The following RBFOX1 variants were observed in gnomAD, a reference collection of about 807,000 sequenced individuals.
RBFOX1 encodes the protein RNA binding fox-1 homolog 1, also known as RNA binding protein fox-1 homolog 1.
A neutral mutation model predicts 57.7 loss-of-function variants in RBFOX1; 8 were observed. The ratio of observed to expected loss-of-function variants is 0.14; its 90% CI spans 0.08 to 0.25. RBFOX1 has a LOEUF of 0.25. RBFOX1 is among the 10% of genes least tolerant of loss of function. The pLI, the probability that RBFOX1 is intolerant of heterozygous loss-of-function variation, is 1.00. For synonymous variants in RBFOX1, 326 were observed against 222.4 expected, an observed-to-expected ratio of 1.47 and a Z score of -4.15; for missense variants, 611 against 548.5, an observed-to-expected ratio of 1.11 and a Z score of -1.14.
At chr16:5,549,705 T>C (rs1186463141) in intron 2 of RBFOX1, among the ~76,000 whole-genome samples, 1 of 152,172 alleles carries the variant, frequency 6.6e-6, no homozygotes, top group Admixed American at 6.5e-5. Flanking sequence ...ATAGCATGGT[T>C]TTACATACAT....
At chr16:6,950,908 TTCTC>T (rs1372322368) in intron 3 of RBFOX1, among the ~76,000 whole-genome samples, 3 of 147,656 alleles carry the variant, frequency 2.0e-5, no homozygotes, top group African/African-American at 4.9e-5. Flanking sequence ...CTTTCTTTCT[TTCTC>T]TCTTTTTTTT....
At chr16:7,332,634 GGTTCCCTCT>G in intron 4 of RBFOX1, 1 of 382,788 alleles carries the variant, frequency 2.6e-6, no homozygotes, top group Non-Finnish European at 3.9e-6. Flanking sequence ...CTCATAGCCT[GGTTCCCTCT>G]GTCACTTGGT....
chr16:7,457,050 G>A (rs187256847), intron 4 of RBFOX1, among the ~76,000 whole-genome samples: 2 of 152,180 alleles, frequency 1.3e-5, no homozygotes, highest in East Asian at 1.9e-4. Flanking sequence ...ACCACGCCCG[G>A]CTAATTTTGT....
chr16:6,556,895 A>T lies in RBFOX1; in HGVS notation c.-63-97708A>T, dbSNP rs138051013. ...GGAGAAGTAGAGGAGATTTCACTTA[A>T]CTGGATGATCACAGAGTTGAGGTTT... On this transcript the variant is annotated intron_variant, in intron 2 of 15. Transcript: ENST00000550418. 5.7e-3 allele frequency among the ~76,000 whole-genome samples: 868 copies of T among 151,618 alleles called. 14 individuals carry two copies. Among genetic ancestry groups the T allele is most frequent in the East Asian group, 0.056 (287 of 5,152 alleles).
At chr16:6,897,481 A>G (rs2067229220) in intron 3 of RBFOX1, among the ~76,000 whole-genome samples, 1 of 152,172 alleles carries the variant, frequency 6.6e-6, no homozygotes, top group African/African-American at 2.4e-5. Flanking sequence ...TTCCCACTGT[A>G]TTTAAGAAAA....
At chr16:7,262,573 A>G (rs1181631732) in intron 4 of RBFOX1, among the ~76,000 whole-genome samples, 1 of 152,260 alleles carries the variant, frequency 6.6e-6, no homozygotes, top group Non-Finnish European at 1.5e-5. Context: ...ATTGCTCCTC[A>G]TTCTGGGTCC....
chr16:6,662,300 C>T (rs1234882138), intron 3 of RBFOX1, among the ~76,000 whole-genome samples: 1 of 152,050 alleles, frequency 6.6e-6, no homozygotes, highest in Non-Finnish European at 1.5e-5. Context: ...ACACACAAGT[C>T]TGTGAGATGA....
chr16:7,275,419 A>G lies in RBFOX1; in HGVS notation c.27+223321A>G, dbSNP rs529022344. On this transcript the variant is annotated intron_variant, in intron 4 of 15. Transcript: ENST00000550418. ...TTCATTCATTTATCAAATATTTATC[A>G]GCAATGATGATTCTCCAGACATTAA... is the stretch of plus-strand genomic sequence containing the variant. Among the ~76,000 whole-genome samples, 4 of 152,340 alleles carry G rather than the reference A, an allele frequency of 2.6e-5. No individual in the cohort carries two copies. The South Asian group carries it at 8.3e-4, about 32-fold the overall frequency.
chr16:5,705,868 T>G (rs2051227722), intron 3 of RBFOX1, among the ~76,000 whole-genome samples: 3 of 152,218 alleles, frequency 2.0e-5, no homozygotes, highest in African/African-American at 4.8e-5. Flanking sequence ...AATAGGTGCC[T>G]GATAGATGTT....
intron 1 of RBFOX1, among the ~76,000 whole-genome samples, chr16:5,291,400 C>G (rs946847433): frequency 1.3e-5 from 2 of 151,512 alleles, no homozygotes; most frequent in Non-Finnish European, 2.9e-5. Flanking sequence ...GTAGCTGGGA[C>G]TACAGGCACC....
chr16:7,239,176 C>G (rs1010173509), intron 4 of RBFOX1, among the ~76,000 whole-genome samples: 9 of 152,064 alleles, frequency 5.9e-5, no homozygotes, highest in Non-Finnish European at 1.3e-4. Flanking sequence ...TATGATGAGG[C>G]TACTTCTACC....
At chr16:6,598,185 T>C (rs1418611175) in intron 2 of RBFOX1, among the ~76,000 whole-genome samples, 2 of 152,242 alleles carry the variant, frequency 1.3e-5, no homozygotes, top group Non-Finnish European at 2.9e-5. Context: ...CATGCATTCA[T>C]AAATATGTAG....
At chr16:6,764,041 A>G (rs1406126448) in intron 3 of RBFOX1, among the ~76,000 whole-genome samples, 1 of 152,180 alleles carries the variant, frequency 6.6e-6, no homozygotes, top group African/African-American at 2.4e-5. Context: ...GTGAAGGATG[A>G]TAAACTGTAC....
intron 3 of RBFOX1, among the ~76,000 whole-genome samples, chr16:6,953,495 T>A (rs904403288): frequency 6.6e-6 from 1 of 152,112 alleles, no homozygotes; most frequent in African/African-American, 2.4e-5. Flanking sequence ...AAGCGATTCT[T>A]CTGCTTCAGC....
At chr16:5,317,810 G>A (rs1040960754) in intron 1 of RBFOX1, among the ~76,000 whole-genome samples, 1 of 152,120 alleles carries the variant, frequency 6.6e-6, no homozygotes, top group African/African-American at 2.4e-5. Flanking sequence ...ACCATTTTAA[G>A]TTTACAATTC....
intron 3 of RBFOX1, among the ~76,000 whole-genome samples, chr16:6,822,476 A>G (rs1603628978): frequency 6.6e-6 from 1 of 152,218 alleles, no homozygotes; most frequent in Non-Finnish European, 1.5e-5. Flanking sequence ...AGGGTTATAA[A>G]TAAAACACAT....
intron 1 of RBFOX1, among the ~76,000 whole-genome samples, chr16:6,236,767 T>C (rs2097508092): frequency 6.6e-6 from 1 of 152,152 alleles, no homozygotes; most frequent in African/African-American, 2.4e-5. Flanking sequence ...TGATGTATTT[T>C]TGCCAGATGC....
chr16:5,437,927 T>C lies in RBFOX1; in HGVS notation c.220-29289T>C, dbSNP rs566804083. 3.3e-5 allele frequency among the ~76,000 whole-genome samples: 5 copies of C among 152,348 alleles called. No individual in the cohort carries two copies. The South Asian group carries it at 1.0e-3, about 32-fold the overall frequency. On this transcript the variant is annotated intron_variant, in intron 1 of 2. Coordinates refer to the RBFOX1 transcript ENST00000585867. Reference sequence around the variant, plus strand: ...CTGTTGAAGATTGAGTTTGTGTGTATATTTTTCCTTCTAGGGCAAATGAGT... The same window carrying C: ...CTGTTGAAGATTGAGTTTGTGTGTACATTTTTCCTTCTAGGGCAAATGAGT...
intron 2 of RBFOX1, among the ~76,000 whole-genome samples, chr16:6,634,187 C>T (rs1406358251): frequency 6.6e-6 from 1 of 152,080 alleles, no homozygotes; most frequent in Non-Finnish European, 1.5e-5. Context: ...AGTCAATAAA[C>T]AGTAAAGTTG....
Sources: allele counts gnomAD v4.1 joint callset (sites outside exome capture counted in the v4.1 genomes callset), GRCh38; gene constraint gnomAD v4.1.1; transcripts MANE v1.5; gene names NCBI Gene and HGNC (gene_info 2026-07-23, HGNC 2026-07-21).